Variants in MYH11 observed in about 807,000 individuals in gnomAD.
MYH11 encodes the protein myosin heavy chain 11, also known as myosin-11.
In MYH11, 80 loss-of-function variants were observed where a neutral mutation model predicts 246.6. That is an observed-to-expected ratio of 0.32 (90% CI 0.27 to 0.39). The LOEUF is 0.39. Ranked by LOEUF, MYH11 falls within the 10% of genes least tolerant of loss-of-function variation. The probability of loss-of-function intolerance (pLI) is 1.00; values close to 1 mark genes in which losing one functional copy is unlikely to be tolerated. For synonymous variants in MYH11, 1,071 were observed against 1,015.5 expected (o/e 1.05, Z -1.04); for missense variants, 2,158 against 2,546.8 (o/e 0.85, Z 3.29).
intron 2 of MYH11, among the ~76,000 whole-genome samples, chr16:15,828,120 T>C (rs2043620189): frequency 6.6e-6 from 1 of 152,218 alleles, no homozygotes; most frequent in Non-Finnish European, 1.5e-5. Context: ...GAACCTTCAC[T>C]TTGCTACTTC....
In MYH11 at chr16:15,763,860, C is replaced by G. The variant is rs2041923210; in HGVS notation, c.1065G>C (p.Gln355His). 2.6e-5 allele frequency: 41 copies of G among 1,596,386 alleles called. No individual in the cohort carries two copies. Among genetic ancestry groups the G allele is most frequent in the Non-Finnish European group, 3.4e-5 (40 of 1,169,608 alleles). ...SILKVVSSVL[Q>H]LGNIVFKKER... ...CCTTCTTGAAGACGATATTTCCAAGCTGCAGGACCGATGATACCACCTTCA... is the reference window on the plus strand; with the variant it reads ...CCTTCTTGAAGACGATATTTCCAAGGTGCAGGACCGATGATACCACCTTCA... The change falls in exon 10 of 41, where the codon CAG becomes CAC. Residue 355 changes from glutamine (Q) to histidine (H), a missense_variant. This residue lies in a region of MYH11 where 75 missense variants were observed against 70.0 expected (regional missense o/e 1.07). Transcript: ENST00000300036.
chr16:15,849,421 G>C (rs1345043546), intron 1 of MYH11, among the ~76,000 whole-genome samples: 1 of 152,146 alleles, frequency 6.6e-6, no homozygotes, highest in African/African-American at 2.4e-5. Context: ...CTTGTTTACA[G>C]TCCTGTCCTG....
At chr16:15,708,221 A>G (rs1453045874) in intron 40 of MYH11, among the ~76,000 whole-genome samples, 1 of 152,192 alleles carries the variant, frequency 6.6e-6, no homozygotes, top group African/African-American at 2.4e-5. Context: ...CATTTGTCAG[A>G]CATCGCAGTG....
chr16:15,767,937 A>AT (rs761220786), intron 9 of MYH11, among the ~76,000 whole-genome samples: 2,338 of 135,016 alleles, frequency 0.017, 20 homozygotes, highest in Non-Finnish European at 0.029. Flanking sequence ...AAAAAAAAAA[A>AT]TTTTTTTTTT....
intron 4 of MYH11, among the ~76,000 whole-genome samples, chr16:15,788,798 ATGTGTGTG>A (rs58077308): frequency 4.8e-5 from 5 of 104,806 alleles, no homozygotes; most frequent in East Asian, 2.3e-4. Context: ...ACCAGAATAT[ATGTGTGTG>A]TGTGTGTGTG....
chr16:15,780,560 C>T (rs1249156108), intron 6 of MYH11, among the ~76,000 whole-genome samples: 2 of 133,638 alleles, frequency 1.5e-5, no homozygotes, highest in African/African-American at 5.6e-5. Flanking sequence ...TGGCTCACTG[C>T]AACCTCCATC....
intron 1 of MYH11, 106 bp from the exon 2 acceptor site, chr16:15,838,375 C>T: frequency 3.5e-6 from 3 of 861,722 alleles, no homozygotes; most frequent in Non-Finnish European, 5.7e-6. Flanking sequence ...AGAGACATCC[C>T]ACCAAGTACA....
chr16:15,741,623 G>T lies in MYH11; in HGVS notation c.2699C>A (p.Thr900Lys), dbSNP rs866907050. 1 of 1,613,308 alleles carries T rather than the reference G, an allele frequency of 6.2e-7. No individual in the cohort carries two copies. The highest frequency in any genetic ancestry group is 8.5e-7 in the Non-Finnish European group (1 of 1,180,032). ...NLLQEQLQAE[T>K]ELYAEAEEMR... ...CTCCTCAGCCTCTGCATACAGCTCT[G>T]TCTCTGCCTGCAGCTGTTCCTGTAG... The change falls in exon 22 of 41, where the codon ACA becomes AAA. Residue 900 changes from threonine (T) to lysine (K), a missense_variant. Coordinates refer to ENST00000300036, the MANE Select transcript of MYH11 (RefSeq NM_002474.3).
intron 10 of MYH11, 55 bp downstream of exon 10, chr16:15,763,741 T>TCCGGGCCCCCCCCCCCCCCCCCCC: frequency 1.5e-6 from 1 of 646,860 alleles, no homozygotes; most frequent in Non-Finnish European, 2.9e-6. Flanking sequence ...AAATGTCACC[T>TCCGGGCCCCCCCCCCCCCCCCCCC]CCCCCACCCC....
chr16:15,779,089 T>C, intron 6 of MYH11: 1 of 617,650 alleles, frequency 1.6e-6, no homozygotes, highest in South Asian at 1.8e-5. Context: ...ATTCGGCTTT[T>C]GCAATGACCG....
chr16:15,777,777 T>C (rs1203225277), intron 7 of MYH11, among the ~76,000 whole-genome samples: 1 of 152,142 alleles, frequency 6.6e-6, no homozygotes, highest in African/African-American at 2.4e-5. Flanking sequence ...GTGCATATTA[T>C]TATGCATATT....
chr16:15,740,271 G>A (rs1427429183), intron 22 of MYH11, 83 bp from the exon 23 acceptor site: 1 of 1,598,708 alleles, frequency 6.3e-7, no homozygotes, highest in African/African-American at 1.3e-5. Context: ...TGAATACAGG[G>A]GCTAGGCCTG....
At chr16:15,825,841 G>A (rs962276304) in intron 2 of MYH11, among the ~76,000 whole-genome samples, 11 of 151,948 alleles carry the variant, frequency 7.2e-5, no homozygotes, top group Admixed American at 7.2e-4. Flanking sequence ...TCAGGAGACA[G>A]GCTCCAACCC....
At chr16:15,783,365 G>A (rs777586983) in intron 5 of MYH11, 6 of 152,242 alleles carry the variant, frequency 3.9e-5, no homozygotes, top group Non-Finnish European at 7.3e-5. Flanking sequence ...GGCTGGACAG[G>A]AGCCGGGAAA....
chr16:15,733,480 G>A (rs949895241), intron 26 of MYH11, among the ~76,000 whole-genome samples: 3 of 151,720 alleles, frequency 2.0e-5, no homozygotes, highest in African/African-American at 7.3e-5. Flanking sequence ...TGATCCACCC[G>A]CCTCAGCCTC....
chr16:15,708,864 G>T, intron 40 of MYH11: 3 of 1,607,388 alleles, frequency 1.9e-6, no homozygotes, highest in Non-Finnish European at 2.5e-6. Flanking sequence ...GAGAATCCCC[G>T]GAGGTTACCA....
intron 19 of MYH11, among the ~76,000 whole-genome samples, chr16:15,746,007 C>T (rs1243811524): frequency 1.3e-5 from 2 of 152,120 alleles, no homozygotes; most frequent in African/African-American, 4.8e-5. Context: ...GCCTCAAATT[C>T]CTGGGCTTAA....
At position 15,704,097 on chromosome 16, in the gene MYH11, G is replaced by A; in HGVS notation, c.5813C>T (p.Pro1938Leu). ...LRRGNETSFVPSRRSGGRRVI... is the reference protein window; with the variant it reads ...LRRGNETSFVLSRRSGGRRVI... ...TCTACGTCCTCCAGACCTTCTAGAA[G>A]GAACGAAAGAGGTCTCGTTTCCTCG... is the stretch of plus-strand genomic sequence containing the variant. The change falls in exon 41 of 41, where the codon CCT (proline) becomes CTT (leucine). Residue 1938 changes from proline to leucine, a missense_variant. Physicochemically the swap from Pro to Leu is moderately conservative, Grantham distance 98 (BLOSUM62 -3). Coordinates refer to ENST00000300036, the MANE Select transcript of MYH11 (RefSeq NM_002474.3). 6.2e-7 allele frequency: 1 copy of A among 1,614,100 alleles called. No homozygotes were observed. The highest frequency in any genetic ancestry group is 8.5e-7 in the Non-Finnish European group (1 of 1,180,022).
intron 10 of MYH11, 55 bp downstream of exon 10, chr16:15,763,741 T>TGGGGGGG: frequency 2.5e-5 from 16 of 646,798 alleles, no homozygotes; most frequent in East Asian, 9.5e-5. Context: ...AAATGTCACC[T>TGGGGGGG]CCCCCACCCC....
Sources: allele counts gnomAD v4.1 joint callset (sites outside exome capture counted in the v4.1 genomes callset), GRCh38; gene constraint gnomAD v4.1.1; regional missense constraint gnomAD v4.1.1; transcripts MANE v1.5; gene names NCBI Gene and HGNC (gene_info 2026-07-23, HGNC 2026-07-21).